The following SPARCL1 variants were observed in gnomAD, a reference collection of about 807,000 sequenced individuals.
SPARCL1 encodes the protein SPARC like 1.
In SPARCL1, 52 loss-of-function variants were observed where a neutral mutation model predicts 67.1. The ratio of observed to expected loss-of-function variants is 0.78; its 90% CI spans 0.62 to 0.98. The LOEUF (loss-of-function observed/expected upper bound fraction) is 0.98. Ranked by LOEUF, SPARCL1 falls within the 50% of genes least tolerant of loss-of-function variation. The pLI is 0.00. For synonymous variants in SPARCL1, 226 were observed against 267.8 expected, an observed-to-expected ratio of 0.84 and a Z score of 1.52; for missense variants, 717 against 782.4, an observed-to-expected ratio of 0.92 and a Z score of 1.00.
chr4:87,505,255 A>G lies in SPARCL1; in HGVS notation c.-11-5670T>C, dbSNP rs572420378. Among the ~76,000 whole-genome samples the G allele has an allele frequency of 4.6e-5, 7 of 152,256 alleles. No homozygotes were observed. In the East Asian group the frequency reaches 1.3e-3, roughly 29 times the overall value. ...TAATTCCATTAATTGTATGAATCCT[A>G]AATTGCTGCTATCTTTTCCCCTTAA... On this transcript the variant is annotated intron_variant, in intron 1 of 10. Transcript: ENST00000282470.
rs576365457 is a variant in SPARCL1, at chr4:87,484,638, G to A, written c.1532-2078C>T. Among the ~76,000 whole-genome samples, 47 of 152,172 alleles carry A rather than the reference G, an allele frequency of 3.1e-4. 1 individual carries two copies. Among genetic ancestry groups the A allele is most frequent in the Admixed American group, 8.5e-4 (13 of 15,278 alleles). ...GAAGAAAGTCAGTGGTAGCTTGATGGGGATAGGATTGAATCTATAAATTAC... is the reference window on the plus strand; with the variant it reads ...GAAGAAAGTCAGTGGTAGCTTGATGAGGATAGGATTGAATCTATAAATTAC... On this transcript the variant is annotated intron_variant, in intron 7 of 10. Coordinates refer to ENST00000282470, the MANE Select transcript of SPARCL1 (RefSeq NM_004684.6).
intron 8 of SPARCL1, among the ~76,000 whole-genome samples, chr4:87,481,600 CT>C (rs535436350): frequency 1.4e-4 from 22 of 152,256 alleles, no homozygotes; most frequent in African/African-American, 4.3e-4. Flanking sequence ...AATTCTCAGT[CT>C]TCAACTCATA....
At chr4:87,526,566 G>T (rs1051833619) in intron 1 of SPARCL1, among the ~76,000 whole-genome samples, 3 of 152,192 alleles carry the variant, frequency 2.0e-5, no homozygotes, top group Admixed American at 6.5e-5. Flanking sequence ...TCATGCAGGT[G>T]GGAAGTAACT....
In SPARCL1 at chr4:87,506,540, A is replaced by G. The variant is rs549140631; in HGVS notation, c.-11-6955T>C. Among the ~76,000 whole-genome samples, 251 of 152,304 alleles carry G rather than the reference A, an allele frequency of 1.6e-3. 2 individuals are homozygous for G. Among genetic ancestry groups the G allele is most frequent in the Middle Eastern group, 3.4e-3 (1 of 294 alleles). ...GAGAATTCCCTCTCTCTCTCTGCCT[A>G]TCTGTTTGAGTTGGGACATTGATAT... On this transcript the variant is annotated intron_variant, in intron 1 of 10. Transcript: ENST00000282470.
intron 1 of SPARCL1, among the ~76,000 whole-genome samples, chr4:87,504,155 G>C (rs2110241377): frequency 8.9e-6 from 1 of 111,980 alleles, no homozygotes; most frequent in South Asian, 3.5e-4. Flanking sequence ...GTGTGTGTGT[G>C]TGTGTGTGTG....
At chr4:87,483,484 C>T (rs191808417) in intron 7 of SPARCL1, among the ~76,000 whole-genome samples, 69 of 152,264 alleles carry the variant, frequency 4.5e-4, no homozygotes, top group Non-Finnish European at 6.6e-4. Flanking sequence ...TCCAGTCTAT[C>T]ACTGATGGGC....
chr4:87,526,023 C>T (rs1320109097), intron 1 of SPARCL1, among the ~76,000 whole-genome samples: 3 of 152,172 alleles, frequency 2.0e-5, no homozygotes, highest in Non-Finnish European at 1.5e-5. Context: ...GTCAAAAGCC[C>T]TATTCTTGCC....
chr4:87,512,464 G>A (rs1725405686), intron 1 of SPARCL1, among the ~76,000 whole-genome samples: 1 of 152,088 alleles, frequency 6.6e-6, no homozygotes, highest in African/African-American at 2.4e-5. Context: ...CATGATGCCA[G>A]CAGAAACTTG....
At chr4:87,522,291 C>G (rs17705268) in intron 1 of SPARCL1, among the ~76,000 whole-genome samples, 30,092 of 151,780 alleles carry the variant, frequency 0.2, 3,452 homozygotes, top group South Asian at 0.36. Context: ...GGGCATCTGA[C>G]CTTCAACTGC....
chr4:87,521,350 G>T (rs1324832033), intron 1 of SPARCL1, among the ~76,000 whole-genome samples: 6 of 151,972 alleles, frequency 3.9e-5, no homozygotes, highest in Non-Finnish European at 1.5e-5. Flanking sequence ...GCATTAATAA[G>T]CTGTCTGAAC....
intron 1 of SPARCL1, among the ~76,000 whole-genome samples, chr4:87,526,739 C>A (rs1370318925): frequency 3.3e-5 from 5 of 152,158 alleles, no homozygotes; most frequent in African/African-American, 1.2e-4. Context: ...AAGGAAGAAA[C>A]CCTGAGAAAA....
chr4:87,490,681 A>C (rs1560816829), intron 6 of SPARCL1, 79 bp downstream of exon 6: 1 of 1,063,742 alleles, frequency 9.4e-7, no homozygotes. Flanking sequence ...TTTTTAAGCA[A>C]AAATTTCAAT....
chr4:87,498,773 A>T (rs538736281), intron 2 of SPARCL1, among the ~76,000 whole-genome samples: 1 of 152,310 alleles, frequency 6.6e-6, no homozygotes, highest in East Asian at 1.9e-4. Flanking sequence ...TTTCCTGCCT[A>T]AACCATTGGT....
chr4:87,482,449 T>C lies in SPARCL1; in HGVS notation c.1643A>G (p.Tyr548Cys), dbSNP rs749279394. Residue 548 changes from tyrosine (Y) to cysteine (C), a missense_variant, in exon 8 of 11, where the codon TAT becomes TGT. Coordinates refer to ENST00000282470, the MANE Select transcript of SPARCL1 (RefSeq NM_004684.6). ...TTTATTTCTCTGCTTCTCATTTAGA[T>C]AACCAGCGTGTTCAGAGTTGGCTTC... ...LYEANSEHAGYLNEKQRNKVK... is the reference protein window; with the variant it reads ...LYEANSEHAGCLNEKQRNKVK... 1 of 1,613,910 alleles carries C rather than the reference T, an allele frequency of 6.2e-7. No homozygotes were observed.
intron 1 of SPARCL1, among the ~76,000 whole-genome samples, chr4:87,525,887 C>T (rs1187955292): frequency 1.3e-5 from 2 of 152,042 alleles, no homozygotes; most frequent in African/African-American, 2.4e-5. Context: ...GAAAAAGCAG[C>T]TTACATTTCA....
chr4:87,482,636 T>C, intron 7 of SPARCL1, 76 bp from the exon 8 acceptor site: 1 of 1,530,524 alleles, frequency 6.5e-7, no homozygotes, highest in Non-Finnish European at 9.0e-7. Context: ...ATAGGAAGCT[T>C]AACGACTTCT....
At position 87,486,982 on chromosome 4, in the gene SPARCL1, A is replaced by G. The variant is rs1468154067; in HGVS notation, c.1531+3291T>C. 5.4e-5 allele frequency among the ~76,000 whole-genome samples: 6 copies of G among 111,586 alleles called. No homozygotes were observed. In the East Asian group the frequency reaches 1.9e-3, roughly 35 times the overall value. 73.2% of individuals were successfully genotyped at this position (111,586 alleles called of 152,430 possible). On this transcript the variant is annotated intron_variant, in intron 7 of 10. Coordinates refer to ENST00000282470, the MANE Select transcript of SPARCL1 (RefSeq NM_004684.6). ...CCATCCCTTTATTTTGAGCCTATGT[A>G]TGTTTTTGCATGTGAGCTGGGTCTC...
chr4:87,488,100 T>C (rs1724148703), intron 7 of SPARCL1, among the ~76,000 whole-genome samples: 1 of 152,210 alleles, frequency 6.6e-6, no homozygotes, highest in Non-Finnish European at 1.5e-5. Context: ...CTTCTGTCAC[T>C]TCCTCAAACT....
At position 87,494,141 on chromosome 4, in the gene SPARCL1, C is replaced by G. The variant is rs766238243; in HGVS notation, c.659G>C (p.Arg220Thr). The G allele has an allele frequency of 6.2e-7, 1 of 1,613,680 alleles. No individual in the cohort carries two copies. The highest frequency in any genetic ancestry group is 8.5e-7 in the Non-Finnish European group (1 of 1,180,018). ...ATGCTCCCTGGGCAATTCTGTCTTT[C>G]TTTCTTGGTTATCATTGTGGGTACC... ...EVGTHNDNQE[R>T]KTELPREHAN... The change falls in exon 4 of 11, where the codon AGA (arginine) becomes ACA (threonine). Residue 220 changes from arginine to threonine, a missense_variant. Arg to Thr is a moderately conservative substitution (Grantham distance 71). Coordinates refer to ENST00000282470, the MANE Select transcript of SPARCL1 (RefSeq NM_004684.6).
Sources: allele counts gnomAD v4.1 joint callset (sites outside exome capture counted in the v4.1 genomes callset), GRCh38; gene constraint gnomAD v4.1.1; transcripts MANE v1.5; gene names NCBI Gene and HGNC (gene_info 2026-07-23, HGNC 2026-07-21).